The following DHRSX variants were observed in gnomAD, a reference collection of about 807,000 sequenced individuals.
The protein encoded by DHRSX is polyprenol dehydrogenase.
A neutral mutation model predicts 34.0 loss-of-function variants in DHRSX; 31 were observed. The observed-to-expected ratio is 0.91, with a 90% CI of 0.69 to 1.23. The LOEUF (loss-of-function observed/expected upper bound fraction) is 1.23, where lower values mean the gene tolerates loss of function less well. Among genes scored for constraint, DHRSX ranks in the 50% most tolerant of loss-of-function variants. The pLI is 0.00. For synonymous variants in DHRSX, 201 were observed against 183.8 expected (o/e 1.09, Z -0.76); for missense variants, 414 against 428.1 (o/e 0.97, Z 0.29).
chrX:2,390,440 ATTT>A (rs34329831), intron 3 of DHRSX, among the ~76,000 whole-genome samples: 4 of 149,638 alleles, frequency 2.7e-5, no homozygotes, highest in Admixed American at 6.7e-5. Flanking sequence ...GCCCAGCTGC[ATTT>A]TTTTTTTTTA....
chrX:2,353,676 C>CG (rs1401187426), intron 3 of DHRSX, among the ~76,000 whole-genome samples: 1 of 151,448 alleles, frequency 6.6e-6, no homozygotes, highest in African/African-American at 2.4e-5. Context: ...CTCCGCCTCC[C>CG]GGGTTCAAGC....
chrX:2,489,886 C>T lies in DHRSX; in HGVS notation c.109+10931G>A, dbSNP rs145542250. On this transcript the variant is annotated intron_variant, in intron 1 of 6. Coordinates refer to ENST00000334651, the MANE Select transcript of DHRSX (RefSeq NM_145177.3). ...GCACTGCGACGTCCAGCAGGGAGCA[C>T]GCCTTCACGATGTCCTTGCCATAGT... The T allele has an allele frequency of 3.3e-3, 5,275 of 1,613,834 alleles. 138 individuals carry two copies. The African/African-American group carries it at 0.06, about 18-fold the overall frequency.
rs2042214524 is a variant in DHRSX, at chrX:2,314,464, AGG to A, written c.287-22863_287-22862del. On this transcript the variant is annotated intron_variant, in intron 3 of 6. Coordinates refer to ENST00000334651, the MANE Select transcript of DHRSX (RefSeq NM_145177.3). Reference sequence around the variant, plus strand: ...AAGGAAGGGGAGAAGGGAGGAAGGAAGGGGAGAAGGAAGGAAGGAAGGAAGGG... The same window carrying A: ...AAGGAAGGGGAGAAGGGAGGAAGGAAGGAGAAGGAAGGAAGGAAGGAAGGG... Among the ~76,000 whole-genome samples, 7 of 89,842 alleles carry A rather than the reference AGG, an allele frequency of 7.8e-5. 1 individual carries two copies. In the South Asian group the frequency reaches 1.5e-3, roughly 19 times the overall value. The allele number at this position is 89,842 out of a possible 152,430, so 58.9% of individuals were successfully genotyped here.
intron 3 of DHRSX, among the ~76,000 whole-genome samples, chrX:2,381,991 A>G (rs1489003164): frequency 6.6e-6 from 1 of 152,048 alleles, no homozygotes; most frequent in Non-Finnish European, 1.5e-5. Flanking sequence ...AGTCTGCTGT[A>G]TGGGGGGCCA....
chrX:2,306,914 C>G (rs2042104043), intron 3 of DHRSX, among the ~76,000 whole-genome samples: 1 of 133,714 alleles, frequency 7.5e-6, no homozygotes, highest in Non-Finnish European at 1.5e-5. Context: ...GTGAATTTGT[C>G]TGGTCTTGGG....
chrX:2,427,580 C>T (rs1378098916), intron 1 of DHRSX, among the ~76,000 whole-genome samples: 1 of 152,016 alleles, frequency 6.6e-6, no homozygotes, highest in Non-Finnish European at 1.5e-5. Context: ...TCAGACTTCT[C>T]GCGTTCAAAA....
chrX:2,490,455 C>A (rs1445004328), intron 1 of DHRSX: 3 of 1,614,004 alleles, frequency 1.9e-6, no homozygotes, highest in Non-Finnish European at 2.5e-6. Flanking sequence ...GTGGCGAAGG[C>A]TTCACGCATC....
At chrX:2,308,954 G>C (rs2042132737) in intron 3 of DHRSX, among the ~76,000 whole-genome samples, 1 of 152,020 alleles carries the variant, frequency 6.6e-6, no homozygotes, top group Non-Finnish European at 1.5e-5. Flanking sequence ...AATGAGGCAG[G>C]AAATGCAAAC....
chrX:2,308,964 C>A (rs73187603), intron 3 of DHRSX, among the ~76,000 whole-genome samples: 22,239 of 151,868 alleles, frequency 0.15, 1,863 homozygotes, highest in Admixed American at 0.21. Flanking sequence ...GAAATGCAAA[C>A]TTACAAATAG....
intron 2 of DHRSX, among the ~76,000 whole-genome samples, chrX:2,418,338 T>C (rs951885373): frequency 1.3e-5 from 2 of 152,096 alleles, no homozygotes; most frequent in Non-Finnish European, 2.9e-5. Context: ...GACTTCATCA[T>C]GACCAAACCA....
intron 5 of DHRSX, among the ~76,000 whole-genome samples, chrX:2,252,409 A>T (rs2016454161): frequency 6.6e-6 from 1 of 152,158 alleles, no homozygotes; most frequent in Admixed American, 6.6e-5. Context: ...CCAGGGGAAG[A>T]GAAGAGTCCA....
chrX:2,297,726 C>A (rs1043815687), intron 3 of DHRSX, among the ~76,000 whole-genome samples: 4 of 150,594 alleles, frequency 2.7e-5, no homozygotes, highest in Non-Finnish European at 4.4e-5. Context: ...GCTAGGATGA[C>A]AGGAGTGCGG....
At chrX:2,448,196 G>C (rs1008222726) in intron 1 of DHRSX, among the ~76,000 whole-genome samples, 5 of 151,446 alleles carry the variant, frequency 3.3e-5, no homozygotes, top group African/African-American at 1.2e-4. Context: ...AAATTAACCA[G>C]GTGTGGTGGT....
At chrX:2,459,226 TTAA>T (rs1338853125) in intron 1 of DHRSX, among the ~76,000 whole-genome samples, 4 of 152,024 alleles carry the variant, frequency 2.6e-5, no homozygotes, top group Non-Finnish European at 4.4e-5. Flanking sequence ...GTGATTATAG[TTAA>T]TAATAATACA....
chrX:2,497,301 G>A (rs1329311799), intron 1 of DHRSX, among the ~76,000 whole-genome samples: 1 of 152,172 alleles, frequency 6.6e-6, no homozygotes, highest in African/African-American at 2.4e-5. Flanking sequence ...GCTGAGGCAG[G>A]AGAATCGCTT....
chrX:2,488,989 G>C, intron 1 of DHRSX: 1 of 1,605,538 alleles, frequency 6.2e-7, no homozygotes, highest in Non-Finnish European at 8.5e-7. Flanking sequence ...GCACCTTCTG[G>C]GACTTGAAGT....
Position 2,420,109 on chromosome X carries a change from A to G in DHRSX, c.217+5088T>C, listed in dbSNP as rs759527864. On this transcript the variant is annotated intron_variant, in intron 2 of 6. Transcript: ENST00000334651. The stretch of plus-strand genomic sequence containing the variant: ...TTGTCATAAAGTTTTAACTTGTCCC[A>G]GTCTATTAAGAGAATGAGGCCGGGC... Among the ~76,000 whole-genome samples the G allele has an allele frequency of 1.6e-4, 25 of 152,316 alleles. No homozygotes were observed. In the South Asian group the frequency reaches 4.6e-3, roughly 28 times the overall value.
intron 1 of DHRSX, among the ~76,000 whole-genome samples, chrX:2,465,542 CCT>C (rs1174640962): frequency 1.3e-5 from 2 of 152,060 alleles, no homozygotes; most frequent in African/African-American, 4.8e-5. Context: ...GTGGCTGACA[CCT>C]GTCATCCGAG....
intron 4 of DHRSX, among the ~76,000 whole-genome samples, chrX:2,291,115 G>A (rs1368723588): frequency 2.0e-5 from 3 of 152,108 alleles, no homozygotes; most frequent in South Asian, 4.1e-4. Flanking sequence ...TGAACAGGGG[G>A]TAAAATCAAG....
Sources: gnomAD v4.1 joint callset for allele counts (sites outside exome capture counted in the v4.1 genomes callset) on GRCh38, gnomAD v4.1.1 for gene constraint, MANE v1.5 for transcripts, NCBI Gene and HGNC (gene_info 2026-07-23, HGNC 2026-07-21) for gene names.